The following ATP2B2 variants were observed in gnomAD, a reference collection of about 807,000 sequenced individuals.
ATP2B2 encodes ATPase plasma membrane Ca2+ transporting 2.
ATP2B2 carries 15 observed loss-of-function variants against 120.0 expected under a neutral mutation model. The observed-to-expected ratio is 0.12, with a 90% confidence interval of 0.08 to 0.19. ATP2B2 has a LOEUF of 0.19. Among genes scored for constraint, ATP2B2 ranks in the 10% least tolerant of loss-of-function variants. The probability of loss-of-function intolerance (pLI) is 1.00; values close to 1 mark genes in which losing one functional copy is unlikely to be tolerated. For synonymous variants in ATP2B2, 694 were observed against 700.3 expected, an observed-to-expected ratio of 0.99 and a Z score of 0.14; for missense variants, 1,045 against 1,719.8, an observed-to-expected ratio of 0.61 and a Z score of 6.94.
chr3:10,630,774 C>A (rs936713862), intron 1 of ATP2B2, among the ~76,000 whole-genome samples: 7 of 149,608 alleles, frequency 4.7e-5, no homozygotes, highest in Non-Finnish European at 1.0e-4. Context: ...CCTTGTTTCT[C>A]CAAACTGAGA....
intron 2 of ATP2B2, among the ~76,000 whole-genome samples, chr3:10,575,600 G>A (rs2068226158): frequency 6.6e-6 from 1 of 152,186 alleles, no homozygotes; most frequent in African/African-American, 2.4e-5. Context: ...GCAGTGATAG[G>A]TGGACACTGA....
At chr3:10,538,110 A>G (rs529279332) in intron 2 of ATP2B2, among the ~76,000 whole-genome samples, 2 of 152,232 alleles carry the variant, frequency 1.3e-5, no homozygotes, top group South Asian at 4.1e-4. Flanking sequence ...TTTTGTTTGT[A>G]TTGTCTTTGT....
At chr3:10,386,382 C>T (rs995306152) in intron 7 of ATP2B2, 98 bp downstream of exon 7, 19 of 1,390,842 alleles carry the variant, frequency 1.4e-5, no homozygotes, top group Non-Finnish European at 1.8e-5. Flanking sequence ...CATGTGGCCT[C>T]CTCCAGCTGT....
At chr3:10,463,770 G>A (rs751841588) in intron 1 of ATP2B2, among the ~76,000 whole-genome samples, 5 of 152,196 alleles carry the variant, frequency 3.3e-5, no homozygotes, top group Non-Finnish European at 7.3e-5. Flanking sequence ...CCAGTGCTGG[G>A]TCCCACTGAG....
intron 1 of ATP2B2, among the ~76,000 whole-genome samples, chr3:10,480,674 G>A (rs1410194178): frequency 1.3e-5 from 2 of 152,112 alleles, no homozygotes; most frequent in African/African-American, 4.8e-5. Flanking sequence ...CTTTCTCCTA[G>A]GTTCCTCCCA....
chr3:10,573,006 C>G (rs974083651), intron 2 of ATP2B2, among the ~76,000 whole-genome samples: 1 of 152,172 alleles, frequency 6.6e-6, no homozygotes, highest in Non-Finnish European at 1.5e-5. Flanking sequence ...ACGGGACGTG[C>G]AGATTCCTGG....
In ATP2B2 at chr3:10,596,227, G is replaced by A. The variant is rs534239187; in HGVS notation, c.-415+23690C>T. On this transcript the variant is annotated intron_variant, in intron 2 of 21. Coordinates refer to the ATP2B2 transcript ENST00000646379. ...CCAGCCCTTCAATGGCTTCCAGGTC[G>A]AGGTGGGAGGGATCTGTTCATGGCA... Among the ~76,000 whole-genome samples, 9 of 152,266 alleles carry A rather than the reference G, an allele frequency of 5.9e-5. 1 individual carries two copies. The highest frequency in any genetic ancestry group is 9.6e-5 in the African/African-American group (4 of 41,544).
chr3:10,444,223 G>A (rs2063761487), intron 2 of ATP2B2, among the ~76,000 whole-genome samples: 1 of 152,164 alleles, frequency 6.6e-6, no homozygotes, highest in Admixed American at 6.5e-5. Flanking sequence ...GAGCCCCCAC[G>A]CATGACCCTG....
intron 22 of ATP2B2, among the ~76,000 whole-genome samples, chr3:10,333,790 G>A (rs1309424703): frequency 3.3e-5 from 5 of 152,146 alleles, no homozygotes; most frequent in Admixed American, 1.3e-4. Flanking sequence ...CAACCCTGCC[G>A]GGTCCCCTGA....
chr3:10,705,546 T>A (rs1265710704), intron 1 of ATP2B2, among the ~76,000 whole-genome samples: 1 of 152,212 alleles, frequency 6.6e-6, no homozygotes, highest in East Asian at 1.9e-4. Flanking sequence ...CTACAAGTCC[T>A]CTTGGAGACA....
chr3:10,326,450 C>G lies in ATP2B2; in HGVS notation c.*2364G>C. 2 of 350,622 alleles carry G rather than the reference C, an allele frequency of 5.7e-6. No homozygotes were observed. The highest frequency in any genetic ancestry group is 1.0e-5 in the Non-Finnish European group (2 of 195,876). 21.7% of individuals were successfully genotyped at this position (350,622 alleles called of 1,614,324 possible). ...CATGGAGCATGGTGTGCAAACACAG[C>G]TATCCTGATGTCATGGAACGAGGTC... On this transcript the variant is annotated 3_prime_UTR_variant, in exon 23 of 23. Coordinates refer to ENST00000360273, the MANE Select transcript of ATP2B2 (RefSeq NM_001001331.4).
chr3:10,560,353 G>A (rs932375093), intron 2 of ATP2B2, among the ~76,000 whole-genome samples: 1 of 152,182 alleles, frequency 6.6e-6, no homozygotes, highest in Non-Finnish European at 1.5e-5. Context: ...AGATGTTCCT[G>A]GGAGGTGCGG....
At chr3:10,657,643 C>T (rs1011446855) in intron 1 of ATP2B2, among the ~76,000 whole-genome samples, 6 of 152,236 alleles carry the variant, frequency 3.9e-5, no homozygotes, top group African/African-American at 1.4e-4. Context: ...AGGAGGCCTG[C>T]CTGCCTCTGT....
Position 10,346,144 on chromosome 3 carries a change from G to C in ATP2B2, c.2405-7C>G. 6.2e-7 allele frequency: 1 copy of C among 1,609,100 alleles called. No homozygotes were observed. The highest frequency in any genetic ancestry group is 8.5e-7 in the Non-Finnish European group (1 of 1,179,884). ...TGTGTGCTGTCGATGATGCCTGTTG[G>C]GGCAGGAGTGTGCTCAGGCCCTGGG... is the stretch of plus-strand genomic sequence containing the variant. On this transcript the variant is annotated splice_polypyrimidine_tract_variant and splice_region_variant and intron_variant, in intron 16 of 22. Transcript: ENST00000360273. This position sits in a 1 kb window ranked among gnomAD's most constrained non-coding sequence, Gnocchi z 4.1.
At chr3:10,670,510 C>T (rs773343543) in intron 1 of ATP2B2, among the ~76,000 whole-genome samples, 4 of 152,068 alleles carry the variant, frequency 2.6e-5, no homozygotes, top group African/African-American at 7.2e-5. Context: ...CTCTGCCTCC[C>T]GGGTTCAAGC....
At chr3:10,558,738 A>T (rs1159886507) in intron 2 of ATP2B2, among the ~76,000 whole-genome samples, 1 of 152,020 alleles carries the variant, frequency 6.6e-6, no homozygotes, top group Non-Finnish European at 1.5e-5. Context: ...TCTACAGCTC[A>T]TAGCCTTTTT....
At chr3:10,535,167 G>A (rs1333892463) in intron 2 of ATP2B2, among the ~76,000 whole-genome samples, 1 of 151,980 alleles carries the variant, frequency 6.6e-6, no homozygotes, top group African/African-American at 2.4e-5. Context: ...GCCTCCCAAA[G>A]TGCTAGGATT....
intron 2 of ATP2B2, among the ~76,000 whole-genome samples, chr3:10,448,534 A>G (rs2063918669): frequency 6.6e-6 from 1 of 152,116 alleles, no homozygotes. Context: ...GAGGCAGAGG[A>G]CCCAGCTTTG....
At chr3:10,573,105 T>A (rs1460566376) in intron 2 of ATP2B2, among the ~76,000 whole-genome samples, 1 of 151,954 alleles carries the variant, frequency 6.6e-6, no homozygotes, top group East Asian at 1.9e-4. Context: ...TGAGATAAAA[T>A]GGTTTTTATT....
Sources: gnomAD v4.1 joint callset for allele counts (sites outside exome capture counted in the v4.1 genomes callset) on GRCh38, gnomAD v4.1.1 for gene constraint, Gnocchi (gnomAD v3.1) non-coding constraint, MANE v1.5 for transcripts, NCBI Gene and HGNC (gene_info 2026-07-23, HGNC 2026-07-21) for gene names.